JAZF1: variants seen among roughly 807,000 people sequenced by gnomAD.
JAZF1 encodes juxtaposed with another zinc finger protein 1.
A neutral mutation model predicts 26.4 loss-of-function variants in JAZF1; 8 were observed. That is an observed-to-expected ratio of 0.30 (90% confidence interval 0.18 to 0.55). The LOEUF (loss-of-function observed/expected upper bound fraction) is 0.55, where lower values mean the gene tolerates loss of function less well. JAZF1 is among the 20% of genes least tolerant of loss of function. JAZF1 has a pLI of 0.94. For synonymous variants in JAZF1, 126 were observed against 122.3 expected, an observed-to-expected ratio of 1.03 and a Z score of -0.20; for missense variants, 199 against 322.0, an observed-to-expected ratio of 0.62 and a Z score of 2.92.
At position 28,042,047 on chromosome 7, in the gene JAZF1, C is replaced by T. The variant is rs117978437; in HGVS notation, c.116-50066G>A. On this transcript the variant is annotated intron_variant, in intron 1 of 4. Coordinates refer to ENST00000283928, the MANE Select transcript of JAZF1 (RefSeq NM_175061.4). ...AGCCCTGGGTGCCTAAAAGAGGCAG[C>T]CCTCTTGGGGAAGCACAGAAGTAAA... Among the ~76,000 whole-genome samples the T allele has an allele frequency of 5.2e-3, 792 of 152,292 alleles. 4 individuals carry two copies. The highest frequency in any genetic ancestry group is 0.014 in the Middle Eastern group (4 of 294).
At chr7:28,095,063 A>G (rs779286074) in intron 1 of JAZF1, among the ~76,000 whole-genome samples, 173 of 152,226 alleles carry the variant, frequency 1.1e-3, no homozygotes, top group Non-Finnish European at 6.5e-4. Context: ...GAATCTGAGA[A>G]GCTCCCACAG....
chr7:27,831,867 A>C lies in JAZF1; in HGVS notation c.*933T>G, dbSNP rs907320966. 8.7e-5 allele frequency: 19 copies of C among 218,808 alleles called. No individual in the cohort carries two copies. Among genetic ancestry groups the C allele is most frequent in the East Asian group, 4.0e-4 (6 of 14,880 alleles). 13.6% of individuals were successfully genotyped at this position (218,808 alleles called of 1,614,324 possible). A position where few individuals can be genotyped will look rare whatever the true frequency, so the allele number is the denominator to read the frequency against. On this transcript the variant is annotated 3_prime_UTR_variant, in exon 5 of 5. Coordinates refer to ENST00000283928, the MANE Select transcript of JAZF1 (RefSeq NM_175061.4). Reference sequence around the variant, plus strand: ...ACATAAACATTAAATTGTTGGCAATAGAGAACTACAAAGTGCTTTAAAACT... The same window carrying C: ...ACATAAACATTAAATTGTTGGCAATCGAGAACTACAAAGTGCTTTAAAACT...
intron 1 of JAZF1, among the ~76,000 whole-genome samples, chr7:28,019,478 TCC>T (rs1782965825): frequency 6.6e-6 from 1 of 152,110 alleles, no homozygotes; most frequent in South Asian, 2.1e-4. Context: ...TGAAGGCAGA[TCC>T]TACAAATTGC....
At chr7:27,970,811 A>G (rs1240501895) in intron 2 of JAZF1, among the ~76,000 whole-genome samples, 1 of 152,232 alleles carries the variant, frequency 6.6e-6, no homozygotes, top group African/African-American at 2.4e-5. Context: ...GGAATCTTAC[A>G]TATTTTAGTT....
intron 1 of JAZF1, among the ~76,000 whole-genome samples, chr7:28,142,720 C>T (rs570929823): frequency 5.9e-5 from 9 of 152,284 alleles, no homozygotes; most frequent in Admixed American, 3.9e-4. Context: ...GCCCTGCTAG[C>T]CCATGCAGCC....
intron 1 of JAZF1, among the ~76,000 whole-genome samples, chr7:28,066,989 C>T (rs1783894158): frequency 6.6e-6 from 1 of 152,122 alleles, no homozygotes; most frequent in African/African-American, 2.4e-5. Flanking sequence ...GGCTGGTCCC[C>T]ATTCCAGATT....
chr7:28,154,293 C>G (rs1245874766), intron 1 of JAZF1, among the ~76,000 whole-genome samples: 1 of 152,130 alleles, frequency 6.6e-6, no homozygotes, highest in Non-Finnish European at 1.5e-5. Context: ...TGAAATAAGC[C>G]CTTAGTGATC....
chr7:28,011,435 G>C (rs1193683572), intron 1 of JAZF1, among the ~76,000 whole-genome samples: 1 of 152,140 alleles, frequency 6.6e-6, no homozygotes, highest in African/African-American at 2.4e-5. Flanking sequence ...TATTTGGTTG[G>C]TTTAAAACAC....
intron 2 of JAZF1, among the ~76,000 whole-genome samples, chr7:27,901,035 G>A (rs142704705): frequency 4.0e-5 from 6 of 150,964 alleles, no homozygotes; most frequent in African/African-American, 1.5e-4. Context: ...ATATTTTAGG[G>A]TTTTTCCTTC....
chr7:27,987,199 T>A (rs1346994955), intron 2 of JAZF1, among the ~76,000 whole-genome samples: 2 of 151,194 alleles, frequency 1.3e-5, no homozygotes, highest in Non-Finnish European at 2.9e-5. Flanking sequence ...CCATCCCATC[T>A]AGGAGGTGAG....
At chr7:28,070,863 A>C (rs1783964460) in intron 1 of JAZF1, among the ~76,000 whole-genome samples, 1 of 152,232 alleles carries the variant, frequency 6.6e-6, no homozygotes, top group Non-Finnish European at 1.5e-5. Context: ...ATCCCCTATT[A>C]AAGCGTGAGC....
chr7:27,885,244 G>A (rs1490753262), intron 3 of JAZF1, among the ~76,000 whole-genome samples: 1 of 152,168 alleles, frequency 6.6e-6, no homozygotes, highest in Non-Finnish European at 1.5e-5. Flanking sequence ...GGGCCTATGT[G>A]GGCACATCCT....
chr7:27,903,118 T>C, intron 2 of JAZF1, among the ~76,000 whole-genome samples: 1 of 152,258 alleles, frequency 6.6e-6, no homozygotes, highest in Non-Finnish European at 1.5e-5. Context: ...TTTGGTTACT[T>C]TGGGGCACGG....
chr7:27,876,472 C>G (rs1252425217), intron 3 of JAZF1, among the ~76,000 whole-genome samples: 1 of 152,084 alleles, frequency 6.6e-6, no homozygotes, highest in Admixed American at 6.6e-5. Context: ...ATTTTCCAGT[C>G]CCATTAACAC....
chr7:27,951,971 C>T (rs999526062), intron 2 of JAZF1, among the ~76,000 whole-genome samples: 1 of 152,150 alleles, frequency 6.6e-6, no homozygotes, highest in Non-Finnish European at 1.5e-5. Context: ...CAAAAGCCTA[C>T]TCTTTGAGGA....
chr7:28,158,083 C>T (rs974507677), intron 1 of JAZF1, among the ~76,000 whole-genome samples: 1 of 152,024 alleles, frequency 6.6e-6, no homozygotes. Flanking sequence ...CTCGACCTCT[C>T]AAAACTTGGT....
intron 1 of JAZF1, among the ~76,000 whole-genome samples, chr7:28,155,866 T>C (rs984807589): frequency 1.8e-4 from 28 of 152,218 alleles, no homozygotes; most frequent in Non-Finnish European, 2.9e-5. Flanking sequence ...GGGAAGATGA[T>C]CTTGTGCAAA....
At chr7:27,944,120 G>C (rs1056967010) in intron 2 of JAZF1, among the ~76,000 whole-genome samples, 15 of 152,330 alleles carry the variant, frequency 9.8e-5, no homozygotes, top group African/African-American at 3.1e-4. Flanking sequence ...CCACTGTGCA[G>C]AGCCCAGTGG....
intron 1 of JAZF1, among the ~76,000 whole-genome samples, chr7:28,140,394 A>C (rs1375194335): frequency 6.6e-6 from 1 of 152,124 alleles, no homozygotes; most frequent in Non-Finnish European, 1.5e-5. Flanking sequence ...AAAGTCACAA[A>C]TCTAAGTAGC....
Sources: gnomAD v4.1 joint callset for allele counts (sites outside exome capture counted in the v4.1 genomes callset) on GRCh38, gnomAD v4.1.1 for gene constraint, MANE v1.5 for transcripts, NCBI Gene and HGNC (gene_info 2026-07-23, HGNC 2026-07-21) for gene names.